Variants in GNAZ observed in about 807,000 individuals in gnomAD.
GNAZ encodes G protein subunit alpha z.
In GNAZ, 3 loss-of-function variants were observed where a neutral mutation model predicts 25.4. The observed-to-expected ratio is 0.12, with a 90% CI of 0.05 to 0.30. The LOEUF (loss-of-function observed/expected upper bound fraction) is 0.30, where lower values mean the gene tolerates loss of function less well. Among genes scored for constraint, GNAZ ranks in the 10% least tolerant of loss-of-function variants. The pLI is 1.00. For synonymous variants in GNAZ, 211 were observed against 205.7 expected, an observed-to-expected ratio of 1.03 and a Z score of -0.22; for missense variants, 241 against 501.8, an observed-to-expected ratio of 0.48 and a Z score of 4.97.
At chr22:23,101,205 A>ATGAGGAAAC (rs751656730) in intron 2 of GNAZ, among the ~76,000 whole-genome samples, 8 of 152,166 alleles carry the variant, frequency 5.3e-5, no homozygotes, top group African/African-American at 1.4e-4. Flanking sequence ...GGCTTTGCAG[A>ATGAGGAAAC]TGAGGAAACT....
intron 2 of GNAZ, among the ~76,000 whole-genome samples, chr22:23,111,421 G>A (rs1430711122): frequency 6.6e-6 from 1 of 152,210 alleles, no homozygotes; most frequent in Non-Finnish European, 1.5e-5. Flanking sequence ...CAAGTGCTTG[G>A]GACAGGGCCC....
intron 1 of GNAZ, among the ~76,000 whole-genome samples, chr22:23,093,065 G>C (rs1424446927): frequency 1.3e-5 from 2 of 152,198 alleles, no homozygotes; most frequent in African/African-American, 4.8e-5. Context: ...GCAGCCACAG[G>C]GTCTCCATCC....
At chr22:23,080,948 T>C (rs761615861) in intron 1 of GNAZ, among the ~76,000 whole-genome samples, 13 of 152,352 alleles carry the variant, frequency 8.5e-5, no homozygotes, top group Non-Finnish European at 1.8e-4. Context: ...GGGCACTCTC[T>C]AGAACCCCCT....
intron 2 of GNAZ, among the ~76,000 whole-genome samples, chr22:23,121,555 G>T (rs969951684): frequency 6.6e-6 from 1 of 152,206 alleles, no homozygotes; most frequent in Admixed American, 6.5e-5. Context: ...GGAGTGGGCA[G>T]ATGTGAGAAC....
chr22:23,083,970 CTG>C (rs2068746328), intron 1 of GNAZ, among the ~76,000 whole-genome samples: 1 of 151,872 alleles, frequency 6.6e-6, no homozygotes, highest in Non-Finnish European at 1.5e-5. Flanking sequence ...GAACAGGGCA[CTG>C]TGAGTGTGGT....
chr22:23,118,471 C>T (rs1433885924), intron 2 of GNAZ, among the ~76,000 whole-genome samples: 1 of 150,038 alleles, frequency 6.7e-6, no homozygotes, highest in African/African-American at 2.4e-5. Flanking sequence ...CCCTCTTCCC[C>T]GCCCCGCCCC....
In GNAZ at chr22:23,095,610, T is replaced by A; in HGVS notation, c.-86T>A. 1 of 1,460,668 alleles carries A rather than the reference T, an allele frequency of 6.8e-7. No individual in the cohort carries two copies. The allele number at this position is 1,460,668 out of a possible 1,614,324, so 90.5% of individuals were successfully genotyped here. ...AGTGCCTCCAGGGCAGCTGGGCTCT[T>A]GTCTGCCTGGTCTCAGTGTCCCCTG... On this transcript the variant is annotated 5_prime_UTR_variant, in exon 2 of 3. Coordinates refer to ENST00000615612, the MANE Select transcript of GNAZ (RefSeq NM_002073.4).
At chr22:23,099,154 C>G (rs2069217659) in intron 2 of GNAZ, among the ~76,000 whole-genome samples, 1 of 152,272 alleles carries the variant, frequency 6.6e-6, no homozygotes, top group Non-Finnish European at 1.5e-5. Context: ...AGCCCCCCGG[C>G]CCACCCGCTG....
rs549229975 is a variant in GNAZ at position 23,123,714 on chromosome 22, G to A, written c.*283G>A. The A allele has an allele frequency of 2.2e-6, 1 of 452,118 alleles. No homozygotes were observed. The highest frequency in any genetic ancestry group is 4.0e-6 in the Non-Finnish European group (1 of 248,594). 28.0% of individuals were successfully genotyped at this position (452,118 alleles called of 1,614,324 possible). Reference sequence around the variant, plus strand: ...TGAAGACTTGAGAAGCTGTCACAAGGTCACTACAAGCCCAACCTGCCCCTT... The same window carrying A: ...TGAAGACTTGAGAAGCTGTCACAAGATCACTACAAGCCCAACCTGCCCCTT... On this transcript the variant is annotated 3_prime_UTR_variant, in exon 3 of 3. Transcript: ENST00000615612.
At position 23,123,083 on chromosome 22, in the gene GNAZ, C is replaced by G. The variant is rs1351536546; in HGVS notation, c.724-4C>G. On this transcript the variant is annotated splice_polypyrimidine_tract_variant and splice_region_variant and intron_variant, in intron 2 of 2. Coordinates refer to ENST00000615612, the MANE Select transcript of GNAZ (RefSeq NM_002073.4). ...GATTAACGCCAGTACTTTCCTTTCC[C>G]CAGAGTCGGATGGCAGAGAGCTTGC... The G allele has an allele frequency of 6.2e-7, 1 of 1,605,260 alleles. No individual in the cohort carries two copies. The highest frequency in any genetic ancestry group is 8.5e-7 in the Non-Finnish European group (1 of 1,172,016).
In GNAZ at chr22:23,092,444, C is replaced by T. The variant is rs550682302; in HGVS notation, c.-449-2803C>T. 2.0e-5 allele frequency among the ~76,000 whole-genome samples: 3 copies of T among 152,188 alleles called. No individual in the cohort carries two copies. In the South Asian group the frequency reaches 6.2e-4, roughly 32 times the overall value. The stretch of plus-strand genomic sequence containing the variant: ...CCGCAGGGAGAATTCTGGGTGGGGC[C>T]TTCTGCTTGTTTGGTTCAGGTGATC... On this transcript the variant is annotated intron_variant, in intron 1 of 2. Coordinates refer to ENST00000615612, the MANE Select transcript of GNAZ (RefSeq NM_002073.4).
At chr22:23,109,915 C>T (rs2069598572) in intron 2 of GNAZ, among the ~76,000 whole-genome samples, 1 of 152,352 alleles carries the variant, frequency 6.6e-6, no homozygotes, top group East Asian at 1.9e-4. Flanking sequence ...GCACCATGTG[C>T]CCTGTGCTGT....
At chr22:23,087,065 A>G (rs747290280) in intron 1 of GNAZ, among the ~76,000 whole-genome samples, 6 of 152,224 alleles carry the variant, frequency 3.9e-5, no homozygotes, top group Non-Finnish European at 7.3e-5. Flanking sequence ...GTAATCTGCA[A>G]TGGCCACAGG....
At chr22:23,089,790 C>T (rs1329973794) in intron 1 of GNAZ, among the ~76,000 whole-genome samples, 1 of 152,154 alleles carries the variant, frequency 6.6e-6, no homozygotes, top group Non-Finnish European at 1.5e-5. Context: ...TGAGTGGGCT[C>T]AGGGCTTGGA....
rs988956804 is a variant in GNAZ at position 23,095,918 on chromosome 22, T to C, written c.223T>C (p.Tyr75His). Residue 75 changes from tyrosine to histidine, a missense_variant, in exon 2 of 3, where the codon TAC becomes CAC. Tyr to His is a moderately conservative substitution (Grantham distance 83, BLOSUM62 2). Coordinates refer to ENST00000615612, the MANE Select transcript of GNAZ (RefSeq NM_002073.4). ...CAAGGAGTACAAGCCCCTCATCATC[T>C]ACAATGCCATCGACTCGCTGACCCG... ...ACKEYKPLII[Y>H]NAIDSLTRII... The C allele has an allele frequency of 8.1e-6, 13 of 1,613,480 alleles. No individual in the cohort carries two copies. Among genetic ancestry groups the C allele is most frequent in the Non-Finnish European group, 1.1e-5 (13 of 1,180,040 alleles).
Position 23,119,174 on chromosome 22 carries a change from C to A in GNAZ, c.724-3913C>A, listed in dbSNP as rs115858376. On this transcript the variant is annotated intron_variant, in intron 2 of 2. Transcript: ENST00000615612. ...ATGCCGCTTTGCCCACCTGTCTGCACTCCAGGCTGCAAGAGTGCAGGCACC... is the reference window on the plus strand; with the variant it reads ...ATGCCGCTTTGCCCACCTGTCTGCAATCCAGGCTGCAAGAGTGCAGGCACC... Among the ~76,000 whole-genome samples, 371 of 152,356 alleles carry A rather than the reference C, an allele frequency of 2.4e-3. 2 individuals carry two copies. Among genetic ancestry groups the A allele is most frequent in the African/African-American group, 8.6e-3 (358 of 41,582 alleles).
At chr22:23,123,052 G>A (rs980451854) in intron 2 of GNAZ, 35 bp from the exon 3 acceptor site, 34 of 1,403,788 alleles carry the variant, frequency 2.4e-5, no homozygotes, top group Non-Finnish European at 3.2e-5. Context: ...TGCCTGCTGC[G>A]GGCCTGATTA....
rs982999771 is a variant in GNAZ, at chr22:23,095,311, G to T, written c.-385G>T. ...GCTGCAGGGAGCACACCAGCGACCG[G>T]CCCTCCAACCCTCCAGCCACTCAGC... On this transcript the variant is annotated 5_prime_UTR_variant, in exon 2 of 3. Transcript: ENST00000615612. The T allele has an allele frequency of 7.4e-5, 18 of 242,762 alleles. No homozygotes were observed. Among genetic ancestry groups the T allele is most frequent in the Non-Finnish European group, 1.3e-4 (16 of 123,202 alleles). The allele number at this position is 242,762 out of a possible 1,614,324, so 15.0% of individuals were successfully genotyped here. A position where few individuals can be genotyped will look rare whatever the true frequency, so the allele number is the denominator to read the frequency against.
At chr22:23,105,634 T>C (rs1386557745) in intron 2 of GNAZ, among the ~76,000 whole-genome samples, 4 of 152,254 alleles carry the variant, frequency 2.6e-5, no homozygotes, top group African/African-American at 9.6e-5. Context: ...GAGGGGTTTC[T>C]CACACTGTGC....
Sources: allele counts gnomAD v4.1 joint callset (sites outside exome capture counted in the v4.1 genomes callset), GRCh38; gene constraint gnomAD v4.1.1; transcripts MANE v1.5; gene names NCBI Gene and HGNC (gene_info 2026-07-23, HGNC 2026-07-21).